Variants in MYCBP2 observed in about 807,000 individuals in gnomAD.
MYCBP2 encodes MYC binding protein 2, also known as E3 ubiquitin-protein ligase MYCBP2.
In MYCBP2, 120 loss-of-function variants were observed where a neutral mutation model predicts 525.3. That is an observed-to-expected ratio of 0.23 (90% CI 0.20 to 0.27). MYCBP2 has a LOEUF of 0.27. Ranked by LOEUF, MYCBP2 falls within the 10% of genes least tolerant of loss-of-function variation. MYCBP2 has a pLI of 1.00. For synonymous variants in MYCBP2, 1,894 were observed against 1,955.8 expected (o/e 0.97, Z 0.83); for missense variants, 4,149 against 5,657.1 (o/e 0.73, Z 8.55).
At chr13:77,318,862 C>G (rs1350039292) in intron 1 of MYCBP2, among the ~76,000 whole-genome samples, 1 of 152,198 alleles carries the variant, frequency 6.6e-6, no homozygotes, top group Non-Finnish European at 1.5e-5. Context: ...ATGCCACCCT[C>G]CTTTCCTGTT....
At chr13:77,325,252 T>G (rs1478510519) in intron 1 of MYCBP2, among the ~76,000 whole-genome samples, 1 of 152,206 alleles carries the variant, frequency 6.6e-6, no homozygotes, top group East Asian at 1.9e-4. Flanking sequence ...AAAAGACACC[T>G]AACAATTGCC....
intron 17 of MYCBP2, among the ~76,000 whole-genome samples, chr13:77,241,333 G>A (rs1042990769): frequency 1.3e-5 from 2 of 152,004 alleles, no homozygotes; most frequent in African/African-American, 4.8e-5. Flanking sequence ...AAGATACACC[G>A]CATTAGGCAA....
At chr13:77,301,515 C>T (rs1221993818) in intron 1 of MYCBP2, among the ~76,000 whole-genome samples, 17 of 150,584 alleles carry the variant, frequency 1.1e-4, no homozygotes, top group Non-Finnish European at 7.4e-5. Flanking sequence ...AGGGAGGGAG[C>T]GGTCTATGTA....
chr13:77,162,847 G>C (rs1295976816), intron 43 of MYCBP2, among the ~76,000 whole-genome samples: 1 of 152,076 alleles, frequency 6.6e-6, no homozygotes, highest in Non-Finnish European at 1.5e-5. Flanking sequence ...AGTAGAGACG[G>C]GGTTTCACTG....
intron 47 of MYCBP2, among the ~76,000 whole-genome samples, chr13:77,150,146 G>A (rs900115660): frequency 3.3e-5 from 5 of 152,070 alleles, no homozygotes; most frequent in African/African-American, 1.2e-4. Flanking sequence ...AATGTCTAAA[G>A]GTATTAGAGA....
rs551052219 is a variant in MYCBP2 at position 77,196,710 on chromosome 13, GAGGATAGCAGGTTT to G, written c.3844-2480_3844-2467del. ...AGTTAACTGGGATGGGGAAGAACAT[GAGGATAGCAGGTTT>G]AGGCAGATCATCAGAAGCATAGTAT... On this transcript the variant is annotated intron_variant, in intron 26 of 82. Transcript: ENST00000544440. Among the ~76,000 whole-genome samples, 98 of 152,356 alleles carry G rather than the reference GAGGATAGCAGGTTT, an allele frequency of 6.4e-4. No homozygotes were observed. In the East Asian group the frequency reaches 0.013, roughly 20 times the overall value.
intron 52 of MYCBP2, among the ~76,000 whole-genome samples, chr13:77,137,657 T>G (rs2053963280): frequency 6.6e-6 from 1 of 152,098 alleles, no homozygotes; most frequent in Non-Finnish European, 1.5e-5. Context: ...GGCGTGATCT[T>G]GAATCACTGC....
At chr13:77,176,672 A>G (rs751165430) in intron 35 of MYCBP2, 44 bp from the exon 36 acceptor site, 3 of 1,376,528 alleles carry the variant, frequency 2.2e-6, no homozygotes, top group Admixed American at 4.7e-5. Flanking sequence ...CAGACTCTTA[A>G]TTTTATTGTA....
chr13:77,203,419 T>A (rs1469851965), intron 26 of MYCBP2, among the ~76,000 whole-genome samples: 6 of 152,008 alleles, frequency 3.9e-5, no homozygotes, highest in Admixed American at 3.9e-4. Flanking sequence ...TGGAAGAACA[T>A]CCCATGCTCA....
At chr13:77,255,212 C>T (rs186963059) in intron 14 of MYCBP2, among the ~76,000 whole-genome samples, 1 of 151,930 alleles carries the variant, frequency 6.6e-6, no homozygotes. Context: ...AGTTGCTGTA[C>T]TAATTTACAT....
chr13:77,295,448 C>T (rs538064960), intron 2 of MYCBP2, among the ~76,000 whole-genome samples: 1 of 152,220 alleles, frequency 6.6e-6, no homozygotes, highest in South Asian at 2.1e-4. Context: ...ATCATTTCAT[C>T]CCCGGATCCA....
At chr13:77,307,647 A>C (rs1022123355) in intron 1 of MYCBP2, among the ~76,000 whole-genome samples, 5 of 147,988 alleles carry the variant, frequency 3.4e-5, no homozygotes, top group African/African-American at 9.9e-5. Context: ...AAAAAAAAAA[A>C]AAAAAAACTT....
At chr13:77,050,022 TA>T (rs869218724) in intron 82 of MYCBP2, among the ~76,000 whole-genome samples, 390 of 148,256 alleles carry the variant, frequency 2.6e-3, no homozygotes, top group Middle Eastern at 3.5e-3. Flanking sequence ...TTTTTTTTTT[TA>T]AACTGATGCG....
At chr13:77,284,504 T>C (rs143342012) in intron 3 of MYCBP2, among the ~76,000 whole-genome samples, 39 of 152,300 alleles carry the variant, frequency 2.6e-4, no homozygotes, top group South Asian at 1.0e-3. Context: ...TGCCAAAAAA[T>C]ATCACCTGAA....
intron 77 of MYCBP2, among the ~76,000 whole-genome samples, 174 bp downstream of exon 77, chr13:77,059,349 G>C (rs1258223015): frequency 6.6e-6 from 1 of 152,078 alleles, no homozygotes; most frequent in East Asian, 1.9e-4. Context: ...GTTTGGGCTT[G>C]AGAGCCTTAT....
Position 77,125,486 on chromosome 13 carries a change from G to C in MYCBP2, c.7885-18C>G, listed in dbSNP as rs1008684818. On this transcript the variant is annotated intron_variant, in intron 53 of 82. Transcript: ENST00000544440. ...TTGGTTACCTGGTACATAACAAAAAGCATGATTGATTGGCTTGATTCTTTC... is the reference window on the plus strand; with the variant it reads ...TTGGTTACCTGGTACATAACAAAAACCATGATTGATTGGCTTGATTCTTTC... 6.2e-7 allele frequency: 1 copy of C among 1,611,790 alleles called. No individual in the cohort carries two copies. The highest frequency in any genetic ancestry group is 1.3e-5 in the African/African-American group (1 of 74,828).
chr13:77,183,640 C>T (rs1003065503), intron 32 of MYCBP2, among the ~76,000 whole-genome samples: 7 of 141,788 alleles, frequency 4.9e-5, no homozygotes, highest in Admixed American at 1.5e-4. Context: ...CAACCTTCAC[C>T]TCCCGCCTTC....
chr13:77,124,998 G>T (rs536063880), intron 54 of MYCBP2, among the ~76,000 whole-genome samples: 3 of 152,102 alleles, frequency 2.0e-5, no homozygotes, highest in Non-Finnish European at 4.4e-5. Context: ...TTGGAATACC[G>T]AAGTTTCATT....
chr13:77,088,737 A>T, intron 61 of MYCBP2, 95 bp downstream of exon 61: 1 of 1,112,922 alleles, frequency 9.0e-7, no homozygotes, highest in Non-Finnish European at 1.3e-6. Context: ...TTAATTTCAC[A>T]CAATTTCTGT....
Sources: gnomAD v4.1 joint callset for allele counts (sites outside exome capture counted in the v4.1 genomes callset) on GRCh38, gnomAD v4.1.1 for gene constraint, MANE v1.5 for transcripts, NCBI Gene and HGNC (gene_info 2026-07-23, HGNC 2026-07-21) for gene names.